DOK6: variants seen among roughly 807,000 people sequenced by gnomAD.
The protein encoded by DOK6 is downstream of tyrosine kinase 6.
A neutral mutation model predicts 44.0 loss-of-function variants in DOK6; 22 were observed. The observed-to-expected ratio is 0.50, with a 90% CI of 0.36 to 0.71. The LOEUF is 0.71. Among genes scored for constraint, DOK6 ranks in the 30% least tolerant of loss-of-function variants. The probability of loss-of-function intolerance (pLI) is 0.00; values close to 1 mark genes in which losing one functional copy is unlikely to be tolerated. For missense variants in DOK6, 340 were observed against 416.4 expected, an observed-to-expected ratio of 0.82 and a Z score of 1.60; for synonymous variants, 166 against 145.5, an observed-to-expected ratio of 1.14 and a Z score of -1.01.
chr18:69,589,665 T>C lies in DOK6; in HGVS notation c.175-9719T>C, dbSNP rs565775819. 2.0e-5 allele frequency among the ~76,000 whole-genome samples: 3 copies of C among 152,206 alleles called. No homozygotes were observed. In the East Asian group the frequency reaches 5.8e-4, roughly 29 times the overall value. On this transcript the variant is annotated intron_variant, in intron 2 of 7. Coordinates refer to ENST00000382713, the MANE Select transcript of DOK6 (RefSeq NM_152721.6). ...GTAAATAGTGTAAATGCAATTGTAG[T>C]GAGTAAGATCTGCATTGAGTGGTAA...
intron 3 of DOK6, among the ~76,000 whole-genome samples, chr18:69,656,641 T>A (rs1277878746): frequency 6.6e-6 from 1 of 152,218 alleles, no homozygotes; most frequent in Non-Finnish European, 1.5e-5. Context: ...ATAACTATTT[T>A]AAGAATTTAA....
chr18:69,509,617 A>C (rs555508631), intron 1 of DOK6, among the ~76,000 whole-genome samples: 1 of 146,806 alleles, frequency 6.8e-6, no homozygotes, highest in South Asian at 2.2e-4. Flanking sequence ...CAGCCTGGGC[A>C]ACAGAGCTAG....
At chr18:69,742,355 A>C (rs970010589) in intron 6 of DOK6, among the ~76,000 whole-genome samples, 9 of 150,466 alleles carry the variant, frequency 6.0e-5, no homozygotes, top group Non-Finnish European at 1.0e-4. Flanking sequence ...CAGAGGTTGC[A>C]GTGAGCCGAG....
chr18:69,742,012 A>G (rs1978817244), intron 6 of DOK6, among the ~76,000 whole-genome samples: 1 of 152,214 alleles, frequency 6.6e-6, no homozygotes, highest in Admixed American at 6.5e-5. Context: ...GCCCTTGTTT[A>G]TAACCCACTT....
At chr18:69,602,684 AT>A (rs1983900217) in intron 3 of DOK6, among the ~76,000 whole-genome samples, 1 of 152,216 alleles carries the variant, frequency 6.6e-6, no homozygotes, top group Admixed American at 6.5e-5. Context: ...ACTCAGTATT[AT>A]TTTTGCAATA....
At chr18:69,816,374 C>G (rs1981399077) in intron 7 of DOK6, among the ~76,000 whole-genome samples, 1 of 152,150 alleles carries the variant, frequency 6.6e-6, no homozygotes, top group Non-Finnish European at 1.5e-5. Context: ...ATAATAGGAA[C>G]TATGCATAAT....
intron 1 of DOK6, among the ~76,000 whole-genome samples, chr18:69,526,601 T>C (rs981563867): frequency 6.6e-6 from 1 of 152,216 alleles, no homozygotes; most frequent in African/African-American, 2.4e-5. Context: ...CTCTTAGATA[T>C]ATCCCTGAGA....
rs1391600854 is a variant in DOK6, at chr18:69,846,311, G to C, written c.*4928G>C. On this transcript the variant is annotated 3_prime_UTR_variant, in exon 8 of 8. Transcript: ENST00000382713. ...ATGCTGTAATTTGTTTAACGGCAAA[G>C]AAAGAGCCAAGAATTGTTTCTCGTA... is the stretch of plus-strand genomic sequence containing the variant. 6.6e-6 allele frequency: 1 copy of C among 152,218 alleles called. No homozygotes were observed. Among genetic ancestry groups the C allele is most frequent in the East Asian group, 1.9e-4 (1 of 5,192 alleles). 9.4% of individuals were successfully genotyped at this position (152,218 alleles called of 1,614,324 possible).
intron 7 of DOK6, among the ~76,000 whole-genome samples, chr18:69,817,181 T>G (rs1981424491): frequency 6.6e-6 from 1 of 152,174 alleles, no homozygotes; most frequent in African/African-American, 2.4e-5. Context: ...TTTATACAAC[T>G]ATGGCAGCTG....
chr18:69,753,671 C>A (rs2144750853), intron 6 of DOK6, among the ~76,000 whole-genome samples: 1 of 152,328 alleles, frequency 6.6e-6, no homozygotes, highest in African/African-American at 2.4e-5. Context: ...TCAATGCCTC[C>A]TAATCTAGTT....
chr18:69,415,437 A>G (rs1978326133), intron 1 of DOK6, among the ~76,000 whole-genome samples: 1 of 152,136 alleles, frequency 6.6e-6, no homozygotes, highest in Non-Finnish European at 1.5e-5. Flanking sequence ...TATCATCAAG[A>G]AAACAGATAA....
intron 7 of DOK6, among the ~76,000 whole-genome samples, chr18:69,821,462 A>C (rs1251528826): frequency 6.6e-6 from 1 of 152,174 alleles, no homozygotes; most frequent in Non-Finnish European, 1.5e-5. Context: ...CATCCTCTGA[A>C]TGTTAACCAT....
chr18:69,500,464 G>C (rs1599160975), intron 1 of DOK6, among the ~76,000 whole-genome samples: 1 of 151,878 alleles, frequency 6.6e-6, no homozygotes, highest in Admixed American at 6.6e-5. Flanking sequence ...TACCTTCCAT[G>C]TCCTTTTAGC....
At chr18:69,693,930 G>A (rs1386989692) in intron 4 of DOK6, among the ~76,000 whole-genome samples, 4 of 151,462 alleles carry the variant, frequency 2.6e-5, no homozygotes, top group Non-Finnish European at 5.9e-5. Flanking sequence ...GTGGTGGCGG[G>A]CGCCTGTAGT....
At chr18:69,686,719 C>T (rs1444249236) in intron 4 of DOK6, among the ~76,000 whole-genome samples, 1 of 147,978 alleles carries the variant, frequency 6.8e-6, no homozygotes, top group Non-Finnish European at 1.5e-5. Flanking sequence ...GAAACAGGAA[C>T]CACATATAAT....
chr18:69,486,094 T>C (rs1450628877), intron 1 of DOK6, among the ~76,000 whole-genome samples: 3 of 152,056 alleles, frequency 2.0e-5, no homozygotes, highest in Admixed American at 2.0e-4. Flanking sequence ...TAAAAAGGTT[T>C]CAGTTCCTTT....
intron 3 of DOK6, among the ~76,000 whole-genome samples, chr18:69,631,651 C>T (rs898126191): frequency 1.3e-5 from 2 of 152,202 alleles, no homozygotes; most frequent in Non-Finnish European, 2.9e-5. Flanking sequence ...GTAGCTAGAA[C>T]ATGTCACAGA....
rs1599346401 is a variant in DOK6, at chr18:69,825,262, C to G, written c.857-15982C>G. On this transcript the variant is annotated intron_variant, in intron 7 of 7. Coordinates refer to ENST00000382713, the MANE Select transcript of DOK6 (RefSeq NM_152721.6). ...TGTGACTTACCAATTTGCATTAAGT[C>G]AATGTTATTAATTATGGAAACATAA... Among the ~76,000 whole-genome samples the G allele has an allele frequency of 2.0e-5, 3 of 152,012 alleles. No homozygotes were observed. In the South Asian group the frequency reaches 6.2e-4, roughly 32 times the overall value.
intron 3 of DOK6, 26 bp downstream of exon 3, chr18:69,599,524 C>T: frequency 1.3e-6 from 2 of 1,594,590 alleles, no homozygotes; most frequent in Non-Finnish European, 1.7e-6. Context: ...CCATCTACCC[C>T]TTGAGGAAAT....
Sources: gnomAD v4.1 joint callset for allele counts (sites outside exome capture counted in the v4.1 genomes callset) on GRCh38, gnomAD v4.1.1 for gene constraint, MANE v1.5 for transcripts, NCBI Gene and HGNC (gene_info 2026-07-23, HGNC 2026-07-21) for gene names.